CTNNA2: variants seen among roughly 807,000 people sequenced by gnomAD.
CTNNA2 encodes the protein catenin alpha 2, also known as catenin alpha-2.
In CTNNA2, 42 loss-of-function variants were observed where a neutral mutation model predicts 101.0. The ratio of observed to expected loss-of-function variants is 0.42; its 90% confidence interval spans 0.32 to 0.54. The LOEUF (loss-of-function observed/expected upper bound fraction) is 0.54, where lower values mean the gene tolerates loss of function less well. Among genes scored for constraint, CTNNA2 ranks in the 20% least tolerant of loss-of-function variants. The pLI is 0.14. For synonymous variants in CTNNA2, 450 were observed against 456.4 expected (o/e 0.99, Z 0.18); for missense variants, 871 against 1,223.1 (o/e 0.71, Z 4.29).
intron 11 of CTNNA2, 66 bp downstream of exon 11, chr2:80,546,129 G>A: frequency 1.3e-6 from 2 of 1,566,972 alleles, no homozygotes; most frequent in Admixed American, 1.8e-5. Flanking sequence ...GATAAGGAAT[G>A]TCTCGCAAAT....
chr2:80,075,431 T>A (rs1330087765), intron 7 of CTNNA2, among the ~76,000 whole-genome samples: 3 of 151,754 alleles, frequency 2.0e-5, no homozygotes, highest in Non-Finnish European at 2.9e-5. Flanking sequence ...CAAAATAAGG[T>A]GATAATAGCG....
chr2:79,411,359 C>T (rs1678407782), intron 4 of CTNNA2, among the ~76,000 whole-genome samples: 1 of 151,894 alleles, frequency 6.6e-6, no homozygotes, highest in African/African-American at 2.4e-5. Context: ...AATGTGTTTG[C>T]TCTTGCTTTT....
chr2:80,485,484 C>T (rs563396960), intron 9 of CTNNA2, among the ~76,000 whole-genome samples: 2 of 152,242 alleles, frequency 1.3e-5, no homozygotes, highest in African/African-American at 4.8e-5. Context: ...AGCCTGACAA[C>T]CTGTTAAACA....
chr2:79,505,479 AAGTT>A (rs1671392540), intron 5 of CTNNA2, among the ~76,000 whole-genome samples: 1 of 152,198 alleles, frequency 6.6e-6, no homozygotes. Flanking sequence ...CTCTCTTTAG[AAGTT>A]AGTTATTTTT....
At chr2:80,215,216 G>T (rs1708179249) in intron 7 of CTNNA2, among the ~76,000 whole-genome samples, 1 of 152,018 alleles carries the variant, frequency 6.6e-6, no homozygotes, top group Non-Finnish European at 1.5e-5. Flanking sequence ...TCCTCCTTTA[G>T]TTCGGAGAAG....
intron 14 of CTNNA2, among the ~76,000 whole-genome samples, chr2:80,583,045 C>G (rs216622): frequency 0.49 from 74,485 of 151,870 alleles, 18,432 homozygotes; most frequent in East Asian, 0.65. Context: ...AAAGACAAAG[C>G]CTTTGATTTC....
intron 4 of CTNNA2, among the ~76,000 whole-genome samples, chr2:79,860,302 G>T (rs561966341): frequency 1.3e-5 from 2 of 152,120 alleles, no homozygotes; most frequent in Non-Finnish European, 2.9e-5. Context: ...GTTGTGGAAG[G>T]CCCTGTCAGC....
In CTNNA2 at chr2:79,396,971, A is replaced by G. The variant is rs1303119201; in HGVS notation, c.-135+22958A>G. Among the ~76,000 whole-genome samples the G allele has an allele frequency of 2.0e-5, 3 of 152,132 alleles. No individual in the cohort carries two copies. In the East Asian group the frequency reaches 5.8e-4, roughly 29 times the overall value. On this transcript the variant is annotated intron_variant, in intron 4 of 21. Transcript: ENST00000466387. The stretch of plus-strand genomic sequence containing the variant: ...TCCGAATCACTGGGAAAGCTTGTCA[A>G]AAAATGGATTTCTGGGACTCACTCC...
chr2:79,556,711 T>C (rs1050293847), intron 1 of CTNNA2, among the ~76,000 whole-genome samples: 2 of 152,184 alleles, frequency 1.3e-5, no homozygotes, highest in South Asian at 4.1e-4. Context: ...AAATGGAATT[T>C]AGAATTAGCG....
At chr2:80,425,846 G>C (rs1020209949) in intron 9 of CTNNA2, among the ~76,000 whole-genome samples, 2 of 152,076 alleles carry the variant, frequency 1.3e-5, no homozygotes, top group Admixed American at 1.3e-4. Context: ...GACAGTTTTA[G>C]TATATATAAA....
At chr2:79,424,599 C>T (rs527317032) in intron 4 of CTNNA2, among the ~76,000 whole-genome samples, 42 of 152,160 alleles carry the variant, frequency 2.8e-4, no homozygotes, top group Non-Finnish European at 1.2e-4. Flanking sequence ...AAAAGAATAT[C>T]TGAATAAGTG....
At chr2:79,478,811 T>C (rs1671079234) in intron 4 of CTNNA2, among the ~76,000 whole-genome samples, 3 of 152,154 alleles carry the variant, frequency 2.0e-5, no homozygotes, top group Non-Finnish European at 2.9e-5. Flanking sequence ...CCTGAGCATG[T>C]AGTATAATAC....
chr2:79,425,599 A>T (rs1678584192), intron 4 of CTNNA2, among the ~76,000 whole-genome samples: 1 of 152,098 alleles, frequency 6.6e-6, no homozygotes, highest in Non-Finnish European at 1.5e-5. Flanking sequence ...AATCCCATTC[A>T]CAAGGGAGAA....
intron 7 of CTNNA2, among the ~76,000 whole-genome samples, chr2:79,968,222 A>C (rs904783043): frequency 6.6e-6 from 1 of 152,198 alleles, no homozygotes; most frequent in East Asian, 1.9e-4. Flanking sequence ...ATAAAAAAAA[A>C]ACAGAGCTCA....
chr2:79,902,692 G>A (rs1384446660), intron 6 of CTNNA2, among the ~76,000 whole-genome samples: 2 of 150,986 alleles, frequency 1.3e-5, no homozygotes, highest in East Asian at 2.0e-4. Flanking sequence ...AGTGGTGCGA[G>A]CTCAGCTCAC....
intron 7 of CTNNA2, among the ~76,000 whole-genome samples, chr2:80,356,709 TAATCTCACC>T (rs1673844566): frequency 6.6e-6 from 1 of 152,150 alleles, no homozygotes. Flanking sequence ...CAGCCATCAT[TAATCTCACC>T]ATCCAGGGAA....
At chr2:80,208,198 C>A (rs1302425169) in intron 7 of CTNNA2, among the ~76,000 whole-genome samples, 1 of 152,224 alleles carries the variant, frequency 6.6e-6, no homozygotes, top group Non-Finnish European at 1.5e-5. Context: ...CCACTCCATT[C>A]TCAGCCAAGA....
intron 3 of CTNNA2, among the ~76,000 whole-genome samples, chr2:79,797,490 C>T (rs1475248960): frequency 6.6e-6 from 1 of 151,778 alleles, no homozygotes; most frequent in African/African-American, 2.4e-5. Flanking sequence ...GAAACCTCAT[C>T]TCTACTAAAA....
chr2:80,576,212 G>T (rs1022950745), intron 13 of CTNNA2: 7 of 151,908 alleles, frequency 4.6e-5, no homozygotes, highest in African/African-American at 1.5e-4. Context: ...TTGTCTCTTG[G>T]CAGTCAATAC....
Sources: allele counts gnomAD v4.1 joint callset (sites outside exome capture counted in the v4.1 genomes callset), GRCh38; gene constraint gnomAD v4.1.1; transcripts MANE v1.5; gene names NCBI Gene and HGNC (gene_info 2026-07-23, HGNC 2026-07-21).